LRRC43: variants seen among roughly 807,000 people sequenced by gnomAD.
LRRC43 encodes the protein leucine rich repeat containing 43.
LRRC43 carries 62 observed loss-of-function variants against 64.3 expected under a neutral mutation model. The ratio of observed to expected loss-of-function variants is 0.96; its 90% CI spans 0.79 to 1.19. The LOEUF is 1.19. Among genes scored for constraint, LRRC43 ranks in the 50% most tolerant of loss-of-function variants. The pLI, the probability that LRRC43 is intolerant of heterozygous loss-of-function variation, is 0.00. For synonymous variants in LRRC43, 422 were observed against 382.3 expected (o/e 1.10, Z -1.21); for missense variants, 868 against 845.0 (o/e 1.03, Z -0.34).
chr12:122,171,053 A>T (rs1345030013), intron 1 of LRRC43, among the ~76,000 whole-genome samples: 1 of 152,222 alleles, frequency 6.6e-6, no homozygotes, highest in Admixed American at 6.5e-5. Flanking sequence ...TTGTGGACTT[A>T]ACATTGATTC....
rs971972212 is a variant in LRRC43, at chr12:122,170,324, T to C, written c.-406+2542T>C. Among the ~76,000 whole-genome samples, 3 of 152,034 alleles carry C rather than the reference T, an allele frequency of 2.0e-5. No individual in the cohort carries two copies. The East Asian group carries it at 5.8e-4, about 29-fold the overall frequency. On this transcript the variant is annotated intron_variant, in intron 1 of 5. Coordinates refer to the LRRC43 transcript ENST00000537729. ...AACCTTGTCATTGGAAACTAGGATA[T>C]CTGGGGGCTTAAATGCCTGCTACGG... is the stretch of plus-strand genomic sequence containing the variant.
Position 122,202,243 on chromosome 12 carries a change from T to G in LRRC43, c.1843+914T>G, listed in dbSNP as rs143896618. ...TAATCTCTTTAATGTTTGGCTTAATTGAAGACAGCTGGATTCTTACAGCTA... is the reference window on the plus strand; with the variant it reads ...TAATCTCTTTAATGTTTGGCTTAATGGAAGACAGCTGGATTCTTACAGCTA... On this transcript the variant is annotated intron_variant, in intron 11 of 11. Transcript: ENST00000339777. 7.0e-4 allele frequency: 107 copies of G among 152,286 alleles called. 1 individual carries two copies. In the East Asian group the frequency reaches 0.018, roughly 26 times the overall value. The allele number at this position is 152,286 out of a possible 1,614,324, so 9.4% of individuals were successfully genotyped here. A position where few individuals can be genotyped will look rare whatever the true frequency, so the allele number is the denominator to read the frequency against.
chr12:122,198,327 A>C (rs913505198), intron 7 of LRRC43, among the ~76,000 whole-genome samples: 1 of 152,074 alleles, frequency 6.6e-6, no homozygotes, highest in Non-Finnish European at 1.5e-5. Context: ...GTTAAAGCGT[A>C]TGAGTCGGTG....
intron 1 of LRRC43, among the ~76,000 whole-genome samples, chr12:122,174,769 T>C (rs1003549918): frequency 2.0e-5 from 3 of 152,120 alleles, no homozygotes; most frequent in Admixed American, 1.3e-4. Context: ...CCATCGTGCC[T>C]CTGCAATCTC....
At chr12:122,174,474 G>T (rs1353565518) in intron 1 of LRRC43, among the ~76,000 whole-genome samples, 5 of 152,208 alleles carry the variant, frequency 3.3e-5, no homozygotes, top group Admixed American at 6.5e-5. Context: ...CTTCTTGGAA[G>T]GAGCCTGTTG....
chr12:122,195,167 C>T (rs1047382034), intron 7 of LRRC43, among the ~76,000 whole-genome samples: 11 of 152,024 alleles, frequency 7.2e-5, no homozygotes, highest in Admixed American at 4.6e-4. Flanking sequence ...TTTATTTCAC[C>T]TGCAATTTTC....
intron 7 of LRRC43, among the ~76,000 whole-genome samples, chr12:122,194,176 T>C (rs1024712550): frequency 1.3e-5 from 2 of 152,146 alleles, no homozygotes. Context: ...ATAATCCATG[T>C]CTTGCAGAGA....
chr12:122,170,730 C>T (rs1048752229), intron 1 of LRRC43, among the ~76,000 whole-genome samples: 74 of 152,302 alleles, frequency 4.9e-4, no homozygotes, highest in African/African-American at 1.7e-3. Flanking sequence ...AGAGTCCTAA[C>T]CACATCCCTC....
At chr12:122,172,158 A>T (rs1953490856) in intron 1 of LRRC43, 1 of 397,756 alleles carries the variant, frequency 2.5e-6, no homozygotes, top group African/African-American at 2.0e-5. Flanking sequence ...ACGAGGGTAT[A>T]ATAAGTAAGA....
chr12:122,203,277 G>T, intron 11 of LRRC43, 38 bp from the exon 12 acceptor site: 2 of 1,599,660 alleles, frequency 1.3e-6, no homozygotes, highest in South Asian at 2.2e-5. Context: ...CAGCCCATCC[G>T]TCTCCCGGGG....
In LRRC43 at chr12:122,200,611, A is replaced by G. The variant is rs1953825489; in HGVS notation, c.1571A>G (p.Lys524Arg). ...AKKGKGEKDK[K>R]GKEKDRTGKG... ...AAAGGAAAGGGGGAGAAAGACAAGA[A>G]AGGGAAGGAGAAAGACAGGACGGGG... The change falls in exon 9 of 12, where the codon AAA becomes AGA. Residue 524 changes from lysine to arginine, a missense_variant. Coordinates refer to ENST00000339777, the MANE Select transcript of LRRC43 (RefSeq NM_001098519.2). This position sits in a 1 kb window ranked among gnomAD's most constrained non-coding sequence, Gnocchi z 4.6. 1 of 1,614,148 alleles carries G rather than the reference A, an allele frequency of 6.2e-7. No homozygotes were observed. The highest frequency in any genetic ancestry group is 8.5e-7 in the Non-Finnish European group (1 of 1,180,024).
intron 7 of LRRC43, among the ~76,000 whole-genome samples, chr12:122,198,721 C>A (rs941026939): frequency 8.7e-5 from 13 of 150,120 alleles, no homozygotes; most frequent in Admixed American, 6.6e-4. Context: ...CCTCCACCTC[C>A]CAGGTTCAAG....
chr12:122,188,683 C>T (rs978822100), intron 4 of LRRC43, among the ~76,000 whole-genome samples: 5 of 152,068 alleles, frequency 3.3e-5, no homozygotes, highest in African/African-American at 1.2e-4. Context: ...TCAAGTGATC[C>T]ACTTACTTTG....
upstream of LRRC43, chr12:122,183,054 G>T: frequency 1.4e-6 from 2 of 1,464,876 alleles, no homozygotes; most frequent in Non-Finnish European, 1.8e-6. Context: ...CCGGATGGGG[G>T]ACTTTTCCCT....
chr12:122,194,507 G>A (rs1192008261), intron 7 of LRRC43, among the ~76,000 whole-genome samples: 7 of 151,248 alleles, frequency 4.6e-5, no homozygotes, highest in South Asian at 2.1e-4. Flanking sequence ...CAGAGGTTGC[G>A]GTGAGCCAGG....
upstream of LRRC43, chr12:122,182,951 G>A: frequency 1.2e-6 from 1 of 848,024 alleles, no homozygotes; most frequent in East Asian, 3.3e-5. Flanking sequence ...CTGCCTGCGG[G>A]AGCTGCCGCA....
At chr12:122,175,154 T>TTTTCTTTCTTTC (rs536364664) in intron 1 of LRRC43, among the ~76,000 whole-genome samples, 110 of 151,114 alleles carry the variant, frequency 7.3e-4, no homozygotes, top group African/African-American at 2.6e-3. Context: ...ACTTTATTGC[T>TTTTCTTTCTTTC]TTTCTTTCTT....
intron 2 of LRRC43, 118 bp from the exon 3 acceptor site, chr12:122,186,072 G>T: frequency 1.5e-6 from 1 of 655,296 alleles, no homozygotes; most frequent in South Asian, 1.8e-5. Context: ...AGCAGGGGGT[G>T]GGAAGGGAGG....
At position 122,187,702 on chromosome 12, in the gene LRRC43, T is replaced by A; in HGVS notation, c.524T>A (p.Val175Glu). ...DATNLPPTLK[V>E]LELYGNEISS... ...CGGGCCTTCCGTGTGGTCTCCCAGG[T>A]GCTGGAGCTCTACGGCAATGAGATC... The change falls in exon 4 of 12, where the codon GTG becomes GAG. Residue 175 changes from valine to glutamate, a missense_variant and splice_region_variant. Val to Glu is a moderately radical substitution (Grantham distance 121). Coordinates refer to ENST00000339777, the MANE Select transcript of LRRC43 (RefSeq NM_001098519.2). 1 of 1,613,416 alleles carries A rather than the reference T, an allele frequency of 6.2e-7. No homozygotes were observed. The highest frequency in any genetic ancestry group is 8.5e-7 in the Non-Finnish European group (1 of 1,180,012).
Sources: allele counts gnomAD v4.1 joint callset (sites outside exome capture counted in the v4.1 genomes callset), GRCh38; gene constraint gnomAD v4.1.1; non-coding constraint Gnocchi (gnomAD v3.1); transcripts MANE v1.5; gene names NCBI Gene and HGNC (gene_info 2026-07-23, HGNC 2026-07-21).